ESRRG: variants seen among roughly 807,000 people sequenced by gnomAD.
The protein encoded by ESRRG is estrogen related receptor gamma.
A neutral mutation model predicts 44.0 loss-of-function variants in ESRRG; 13 were observed. The observed-to-expected ratio is 0.30, with a 90% CI of 0.19 to 0.47. ESRRG has a LOEUF of 0.47. Ranked by LOEUF, ESRRG falls within the 20% of genes least tolerant of loss-of-function variation. The pLI, the probability that ESRRG is intolerant of heterozygous loss-of-function variation, is 1.00. For missense variants in ESRRG, 395 were observed against 580.6 expected (o/e 0.68, Z 3.29); for synonymous variants, 215 against 214.6 (o/e 1.00, Z -0.02).
chr1:216,896,111 C>G (rs927876416), intron 2 of ESRRG, among the ~76,000 whole-genome samples: 4 of 152,066 alleles, frequency 2.6e-5, no homozygotes, highest in African/African-American at 7.2e-5. Flanking sequence ...CAAATTCTCT[C>G]CCAAATAAAG....
chr1:216,895,175 T>A (rs918537234), intron 2 of ESRRG, among the ~76,000 whole-genome samples: 4 of 152,228 alleles, frequency 2.6e-5, no homozygotes, highest in African/African-American at 4.8e-5. Context: ...ACAGAGCTAA[T>A]TTTTTAATAA....
intron 2 of ESRRG, among the ~76,000 whole-genome samples, chr1:216,779,533 T>A (rs2093839390): frequency 9.1e-4 from 10 of 10,980 alleles, no homozygotes; most frequent in Non-Finnish European, 1.9e-3. Context: ...AATATAAATA[T>A]TTATATTTAT....
At chr1:216,510,218 A>G (rs1215771171) in intron 6 of ESRRG, among the ~76,000 whole-genome samples, 1 of 152,206 alleles carries the variant, frequency 6.6e-6, no homozygotes, top group Non-Finnish European at 1.5e-5. Flanking sequence ...CATTGCTGAA[A>G]ATCTAGGTAG....
intron 2 of ESRRG, among the ~76,000 whole-genome samples, chr1:216,807,359 A>T (rs991850208): frequency 6.6e-6 from 1 of 152,310 alleles, no homozygotes; most frequent in African/African-American, 2.4e-5. Flanking sequence ...TCTGATAGTC[A>T]TATTAGAAAG....
At chr1:216,732,413 G>A (rs1400735677) in intron 2 of ESRRG, among the ~76,000 whole-genome samples, 1 of 147,800 alleles carries the variant, frequency 6.8e-6, no homozygotes, top group Non-Finnish European at 1.5e-5. Flanking sequence ...GACTTACTGT[G>A]TCGCCCAGGC....
chr1:216,562,125 T>A (rs2149516324), intron 5 of ESRRG, among the ~76,000 whole-genome samples: 1 of 152,300 alleles, frequency 6.6e-6, no homozygotes, highest in East Asian at 1.9e-4. Flanking sequence ...TTTTATTGGT[T>A]TTTATTATGC....
chr1:216,574,401 C>T (rs1465092726), intron 3 of ESRRG, among the ~76,000 whole-genome samples: 1 of 152,034 alleles, frequency 6.6e-6, no homozygotes. Flanking sequence ...ATAGTTCAGC[C>T]CAAGGTCTTC....
At chr1:216,908,914 T>C (rs1243052598) in intron 2 of ESRRG, among the ~76,000 whole-genome samples, 1 of 152,014 alleles carries the variant, frequency 6.6e-6, no homozygotes, top group Non-Finnish European at 1.5e-5. Flanking sequence ...TTTTTCAATA[T>C]TAAAACATAT....
chr1:216,510,290 T>C (rs1387562859), intron 6 of ESRRG, among the ~76,000 whole-genome samples: 3 of 152,220 alleles, frequency 2.0e-5, no homozygotes, highest in Non-Finnish European at 2.9e-5. Context: ...AAGCAAATAC[T>C]ATTCTAAAAG....
chr1:217,120,807 T>C (rs2092808887), intron 1 of ESRRG, among the ~76,000 whole-genome samples: 1 of 152,202 alleles, frequency 6.6e-6, no homozygotes, highest in South Asian at 2.1e-4. Flanking sequence ...AGGCCTCCTA[T>C]AATGGACTCA....
chr1:216,641,080 G>T (rs2066325304), intron 3 of ESRRG, among the ~76,000 whole-genome samples: 1 of 152,036 alleles, frequency 6.6e-6, no homozygotes, highest in Non-Finnish European at 1.5e-5. Context: ...TGACAAATGG[G>T]GACAATCAAA....
intron 1 of ESRRG, among the ~76,000 whole-genome samples, chr1:216,976,111 T>G (rs2072823428): frequency 6.6e-6 from 1 of 152,138 alleles, no homozygotes; most frequent in Admixed American, 6.6e-5. Context: ...GAAAGGTGTA[T>G]CTAACAAAAT....
intron 3 of ESRRG, among the ~76,000 whole-genome samples, chr1:216,591,838 C>A (rs2057718604): frequency 6.6e-6 from 1 of 152,080 alleles, no homozygotes; most frequent in African/African-American, 2.4e-5. Context: ...ATCGGTCTAC[C>A]TTGACATAAA....
At chr1:217,018,017 G>T (rs746519339) in intron 1 of ESRRG, among the ~76,000 whole-genome samples, 2 of 152,052 alleles carry the variant, frequency 1.3e-5, no homozygotes, top group South Asian at 4.1e-4. Flanking sequence ...TGTATAAAAC[G>T]AATTTAAAAA....
At chr1:216,932,734 T>G (rs1188112789) in intron 2 of ESRRG, among the ~76,000 whole-genome samples, 2 of 147,672 alleles carry the variant, frequency 1.4e-5, no homozygotes, top group East Asian at 2.0e-4. Context: ...TTTTTTTTTT[T>G]TTTTTTTTTT....
chr1:216,683,026 G>GAA (rs2077301685), intron 1 of ESRRG, among the ~76,000 whole-genome samples: 1 of 152,106 alleles, frequency 6.6e-6, no homozygotes, highest in Non-Finnish European at 1.5e-5. Context: ...AGAAATCAAC[G>GAA]GTGCAACGTG....
chr1:216,956,265 C>A (rs1313249213), intron 1 of ESRRG, among the ~76,000 whole-genome samples: 3 of 152,042 alleles, frequency 2.0e-5, no homozygotes, highest in African/African-American at 4.8e-5. Context: ...ATATAGATAT[C>A]CACTTTCCCC....
In ESRRG at chr1:216,677,500, G is replaced by A. The variant is rs909537083; in HGVS notation, c.57-9C>T. The A allele has an allele frequency of 3.8e-6, 6 of 1,592,102 alleles. No individual in the cohort carries two copies. Among genetic ancestry groups the A allele is most frequent in the South Asian group, 1.1e-5 (1 of 87,586 alleles). On this transcript the variant is annotated splice_polypyrimidine_tract_variant and intron_variant, in intron 1 of 6. Transcript: ENST00000408911. Reference sequence around the variant, plus strand: ...ACATTCTGCAGAGAAGCCTGAGATTGAGGAGATACAAAGAGAGACAGAAAG... The same window carrying A: ...ACATTCTGCAGAGAAGCCTGAGATTAAGGAGATACAAAGAGAGACAGAAAG...
intron 3 of ESRRG, among the ~76,000 whole-genome samples, chr1:216,645,024 A>C (rs1458901947): frequency 6.6e-6 from 1 of 152,214 alleles, no homozygotes; most frequent in East Asian, 1.9e-4. Flanking sequence ...TACTGACTGC[A>C]CTTCAATATA....
Sources: gnomAD v4.1 joint callset for allele counts (sites outside exome capture counted in the v4.1 genomes callset) on GRCh38, gnomAD v4.1.1 for gene constraint, MANE v1.5 for transcripts, NCBI Gene and HGNC (gene_info 2026-07-23, HGNC 2026-07-21) for gene names.